GRM7: variants seen among roughly 807,000 people sequenced by gnomAD.
GRM7 encodes the protein metabotropic glutamate receptor 7.
Under a neutral mutation model 84.5 loss-of-function variants are expected in GRM7, and 35 were observed. That is an observed-to-expected ratio of 0.41 (90% CI 0.32 to 0.55). GRM7 has a LOEUF of 0.55. Among genes scored for constraint, GRM7 ranks in the 20% least tolerant of loss-of-function variants. The pLI, the probability that GRM7 is intolerant of heterozygous loss-of-function variation, is 0.19. For synonymous variants in GRM7, 487 were observed against 455.1 expected (o/e 1.07, Z -0.89); for missense variants, 1,003 against 1,194.6 (o/e 0.84, Z 2.36).
chr3:7,026,312 A>G (rs2124920238), intron 1 of GRM7, among the ~76,000 whole-genome samples: 1 of 152,258 alleles, frequency 6.6e-6, no homozygotes, highest in South Asian at 2.1e-4. Flanking sequence ...TGCTTAACAG[A>G]TCTATGCTGT....
At chr3:7,491,880 T>C (rs1054405509) in intron 7 of GRM7, among the ~76,000 whole-genome samples, 3 of 152,182 alleles carry the variant, frequency 2.0e-5, no homozygotes, top group Non-Finnish European at 2.9e-5. Flanking sequence ...GCTACATATA[T>C]AACAGAACAT....
intron 2 of GRM7, among the ~76,000 whole-genome samples, chr3:7,274,024 A>C (rs1698962388): frequency 6.6e-6 from 1 of 151,804 alleles, no homozygotes; most frequent in South Asian, 2.1e-4. Flanking sequence ...TATTGATTAT[A>C]TTATTTTTGC....
At chr3:7,714,820 G>T (rs375246559) in intron 9 of GRM7, among the ~76,000 whole-genome samples, 39 of 152,160 alleles carry the variant, frequency 2.6e-4, no homozygotes, top group Non-Finnish European at 4.1e-4. Context: ...AAAAACCAGA[G>T]GTCTATTGGT....
chr3:6,865,604 C>G (rs759209852), intron 1 of GRM7, among the ~76,000 whole-genome samples: 1 of 151,384 alleles, frequency 6.6e-6, no homozygotes, highest in Non-Finnish European at 1.5e-5. Context: ...CAACTCTACC[C>G]TTGTCGGAGC....
At chr3:7,304,009 C>T (rs1173293850) in intron 3 of GRM7, among the ~76,000 whole-genome samples, 1 of 151,814 alleles carries the variant, frequency 6.6e-6, no homozygotes, top group Admixed American at 6.6e-5. Flanking sequence ...CATTCTGCCT[C>T]TACCCTTAAT....
chr3:7,464,827 C>CA (rs71307749), intron 7 of GRM7, among the ~76,000 whole-genome samples: 1,134 of 85,762 alleles, frequency 0.013, 16 homozygotes, highest in South Asian at 0.035. Flanking sequence ...GACTCTGTCT[C>CA]AAAAAAAAAA....
chr3:7,041,055 G>C (rs992825396), intron 1 of GRM7, among the ~76,000 whole-genome samples: 8 of 149,944 alleles, frequency 5.3e-5, no homozygotes, highest in African/African-American at 2.0e-4. Context: ...ACTCCAGCCT[G>C]GGTGACAGAG....
At chr3:6,968,596 G>A (rs1343241278) in intron 1 of GRM7, among the ~76,000 whole-genome samples, 1 of 152,042 alleles carries the variant, frequency 6.6e-6, no homozygotes, top group Non-Finnish European at 1.5e-5. Context: ...AATATTTGCT[G>A]TGTATCAGGA....
At chr3:7,010,279 T>A (rs1695327210) in intron 1 of GRM7, among the ~76,000 whole-genome samples, 1 of 152,054 alleles carries the variant, frequency 6.6e-6, no homozygotes, top group Admixed American at 6.6e-5. Flanking sequence ...GGTGAAACCC[T>A]GTGTCTACTA....
At chr3:7,254,534 C>T (rs887885279) in intron 2 of GRM7, among the ~76,000 whole-genome samples, 3 of 152,174 alleles carry the variant, frequency 2.0e-5, no homozygotes, top group Non-Finnish European at 4.4e-5. Context: ...GGGTCTCTGT[C>T]GTAATTACCC....
intron 1 of GRM7, among the ~76,000 whole-genome samples, chr3:7,074,107 G>A (rs1022393178): frequency 2.0e-5 from 3 of 152,150 alleles, no homozygotes; most frequent in Non-Finnish European, 4.4e-5. Context: ...ATTAATAAGA[G>A]TAGCAAAAAC....
At chr3:7,068,507 C>T (rs1248339781) in intron 1 of GRM7, among the ~76,000 whole-genome samples, 1 of 151,936 alleles carries the variant, frequency 6.6e-6, no homozygotes, top group Non-Finnish European at 1.5e-5. Flanking sequence ...TCTATAAGAA[C>T]CGGTTTTGAT....
At chr3:7,590,259 T>C (rs1398653347) in intron 8 of GRM7, among the ~76,000 whole-genome samples, 1 of 152,140 alleles carries the variant, frequency 6.6e-6, no homozygotes, top group Non-Finnish European at 1.5e-5. Context: ...CCTGCCACTA[T>C]TACAATTACG....
chr3:7,111,334 A>G (rs1012830593), intron 1 of GRM7, among the ~76,000 whole-genome samples: 22 of 152,162 alleles, frequency 1.4e-4, no homozygotes, highest in African/African-American at 5.1e-4. Flanking sequence ...GCTAGAGGCC[A>G]GCATTGTTCT....
chr3:7,128,424 G>C (rs549414241), intron 1 of GRM7, among the ~76,000 whole-genome samples: 2 of 151,274 alleles, frequency 1.3e-5, no homozygotes, highest in Non-Finnish European at 2.9e-5. Context: ...GAATCTCATG[G>C]GTTCTTATTT....
At chr3:7,143,579 A>G (rs1694017883) in intron 1 of GRM7, among the ~76,000 whole-genome samples, 1 of 152,138 alleles carries the variant, frequency 6.6e-6, no homozygotes. Context: ...GTGCACAGTA[A>G]TGAGGAAAGA....
intron 1 of GRM7, among the ~76,000 whole-genome samples, chr3:7,041,526 C>T (rs1696615528): frequency 6.6e-6 from 1 of 152,152 alleles, no homozygotes; most frequent in Admixed American, 6.5e-5. Flanking sequence ...TCTTTCAGCG[C>T]TTGCTGAACA....
intron 1 of GRM7, among the ~76,000 whole-genome samples, chr3:7,008,874 C>A (rs1423048148): frequency 6.6e-6 from 1 of 152,096 alleles, no homozygotes; most frequent in Non-Finnish European, 1.5e-5. Flanking sequence ...ACATTAATAG[C>A]ACAAATTTAA....
intron 8 of GRM7, among the ~76,000 whole-genome samples, chr3:7,677,280 A>AC (rs1559481660): frequency 6.0e-5 from 9 of 148,886 alleles, no homozygotes; most frequent in African/African-American, 2.3e-4. Context: ...AAAAAAAAAA[A>AC]AAAAAAAAAA....
Sources: gnomAD v4.1 joint callset for allele counts (sites outside exome capture counted in the v4.1 genomes callset) on GRCh38, gnomAD v4.1.1 for gene constraint, MANE v1.5 for transcripts, NCBI Gene and HGNC (gene_info 2026-07-23, HGNC 2026-07-21) for gene names.